The following UGT1A8 variants were observed in gnomAD, a reference collection of about 807,000 sequenced individuals.
UGT1A8 encodes UDP glucuronosyltransferase family 1 member A8, also known as UDP-glucuronosyltransferase 1A8.
UGT1A8 carries 39 observed loss-of-function variants against 45.3 expected under a neutral mutation model. The ratio of observed to expected loss-of-function variants is 0.86; its 90% CI spans 0.67 to 1.12. UGT1A8 has a LOEUF of 1.12. Ranked by LOEUF, UGT1A8 falls within the 50% of genes most tolerant of loss-of-function variation. The probability of loss-of-function intolerance (pLI) is 0.00; values close to 1 mark genes in which losing one functional copy is unlikely to be tolerated. For synonymous variants in UGT1A8, 275 were observed against 249.2 expected (o/e 1.10, Z -0.97); for missense variants, 719 against 664.9 (o/e 1.08, Z -0.90).
chr2:233,671,967 T>A (rs779535598), intron 1 of UGT1A8: 1 of 1,613,876 alleles, frequency 6.2e-7, no homozygotes, highest in Non-Finnish European at 8.5e-7. Flanking sequence ...GCCCCCTTCC[T>A]CTATGTGTGT....
intron 1 of UGT1A8, among the ~76,000 whole-genome samples, chr2:233,757,990 G>A (rs1696768799): frequency 6.6e-6 from 1 of 152,054 alleles, no homozygotes; most frequent in Non-Finnish European, 1.5e-5. Flanking sequence ...ACCATCCCCT[G>A]TAATTGCCTG....
At chr2:233,618,819 AAGT>A (rs1301771728) in intron 1 of UGT1A8, among the ~76,000 whole-genome samples, 1 of 152,158 alleles carries the variant, frequency 6.6e-6, no homozygotes, top group Non-Finnish European at 1.5e-5. Context: ...ATGTTTAGAA[AAGT>A]ACCAAAAACC....
intron 1 of UGT1A8, among the ~76,000 whole-genome samples, chr2:233,727,296 G>A (rs1359558344): frequency 1.3e-5 from 2 of 152,036 alleles, no homozygotes; most frequent in Non-Finnish European, 2.9e-5. Context: ...TGATGACTTG[G>A]GCAGCTCCTT....
intron 1 of UGT1A8, among the ~76,000 whole-genome samples, chr2:233,694,083 G>C (rs971459828): frequency 6.6e-6 from 1 of 152,210 alleles, no homozygotes. Flanking sequence ...CTTGGCAAGA[G>C]TAGGAGATTT....
intron 1 of UGT1A8, among the ~76,000 whole-genome samples, chr2:233,750,128 G>A (rs1357269719): frequency 6.6e-6 from 1 of 151,932 alleles, no homozygotes; most frequent in Non-Finnish European, 1.5e-5. Flanking sequence ...ATGTGGGAAA[G>A]TTTGGAACTT....
At chr2:233,733,336 C>T (rs185739129) in intron 1 of UGT1A8, among the ~76,000 whole-genome samples, 4 of 152,264 alleles carry the variant, frequency 2.6e-5, no homozygotes, top group Admixed American at 2.6e-4. Context: ...CCAGAACTTC[C>T]AACAGTATGT....
At chr2:233,707,169 T>A (rs1186198629) in intron 1 of UGT1A8, among the ~76,000 whole-genome samples, 1 of 152,126 alleles carries the variant, frequency 6.6e-6, no homozygotes, top group East Asian at 1.9e-4. Flanking sequence ...CACCCAGACA[T>A]CCATCCTGGG....
At chr2:233,675,913 C>A (rs1187695391) in intron 1 of UGT1A8, among the ~76,000 whole-genome samples, 1 of 152,086 alleles carries the variant, frequency 6.6e-6, no homozygotes, top group Non-Finnish European at 1.5e-5. Flanking sequence ...AATAAAAATT[C>A]TTTAATATTA....
intron 1 of UGT1A8, among the ~76,000 whole-genome samples, chr2:233,736,629 C>T (rs558858921): frequency 6.6e-6 from 1 of 152,208 alleles, no homozygotes; most frequent in Admixed American, 6.5e-5. Flanking sequence ...CTTTTCTGCT[C>T]TAGTTTCCCC....
At chr2:233,754,129 A>C (rs1290911546) in intron 1 of UGT1A8, among the ~76,000 whole-genome samples, 1 of 152,214 alleles carries the variant, frequency 6.6e-6, no homozygotes, top group African/African-American at 2.4e-5. Context: ...TTTATGTGCA[A>C]TTAAAAGCCA....
chr2:233,733,214 A>G (rs920142608), intron 1 of UGT1A8, among the ~76,000 whole-genome samples: 2 of 152,180 alleles, frequency 1.3e-5, no homozygotes, highest in African/African-American at 4.8e-5. Flanking sequence ...TTGGGCTGAG[A>G]CAATGGGGTT....
At chr2:233,646,194 C>T (rs1477671083) in intron 1 of UGT1A8, among the ~76,000 whole-genome samples, 8 of 152,188 alleles carry the variant, frequency 5.3e-5, no homozygotes, top group Admixed American at 2.6e-4. Context: ...ATGCAAGACA[C>T]CAAGTCCCTA....
At chr2:233,760,104 A>T in intron 1 of UGT1A8, 1 of 1,171,464 alleles carries the variant, frequency 8.5e-7, no homozygotes, top group Non-Finnish European at 1.2e-6. Flanking sequence ...GTTGCCTATT[A>T]AGAAACCTAA....
chr2:233,763,862 C>T (rs755965727), intron 1 of UGT1A8, among the ~76,000 whole-genome samples: 8 of 152,072 alleles, frequency 5.3e-5, no homozygotes, highest in South Asian at 2.1e-4. Context: ...CACAGACAAT[C>T]GCAATGCTGG....
At chr2:233,664,682 A>G (rs2074038193) in intron 1 of UGT1A8, among the ~76,000 whole-genome samples, 1 of 152,194 alleles carries the variant, frequency 6.6e-6, no homozygotes. Flanking sequence ...CAAGGACAAC[A>G]CAAAGCCATG....
chr2:233,755,411 C>T (rs1182147250), intron 1 of UGT1A8: 6 of 330,824 alleles, frequency 1.8e-5, no homozygotes, highest in African/African-American at 1.1e-4. Flanking sequence ...TTGGCCGAGG[C>T]CTGTGAGCGC....
At chr2:233,674,190 G>A (rs368031414) in intron 1 of UGT1A8, among the ~76,000 whole-genome samples, 1 of 152,166 alleles carries the variant, frequency 6.6e-6, no homozygotes, top group South Asian at 2.1e-4. Context: ...ATTGGCAGAT[G>A]TTTGGTGAAA....
chr2:233,772,756 T>A lies in UGT1A8; in HGVS notation c.*197T>A. On this transcript the variant is annotated 3_prime_UTR_variant, in exon 5 of 5. Transcript: ENST00000373450. The stretch of plus-strand genomic sequence containing the variant: ...TAGTCAGTAAAGATATTTGAATATG[T>A]ATCGTGCCCCCTCTGGTGTCTTTGA... The A allele has an allele frequency of 1.4e-6, 2 of 1,401,856 alleles. No homozygotes were observed. Among genetic ancestry groups the A allele is most frequent in the Non-Finnish European group, 1.9e-6 (2 of 1,069,170 alleles). 86.8% of individuals were successfully genotyped at this position (1,401,856 alleles called of 1,614,324 possible). A position where few individuals can be genotyped will look rare whatever the true frequency, so the allele number is the denominator to read the frequency against.
In UGT1A8 at chr2:233,635,756, G is replaced by C. The variant is rs527761051; in HGVS notation, c.855+17194G>C. On this transcript the variant is annotated intron_variant, in intron 1 of 4. Transcript: ENST00000373450. The stretch of plus-strand genomic sequence containing the variant: ...TTTTCCTGAAAGAGGTCACTGGAGT[G>C]ATGGTGTGTTTAGAATATAGAAGTA... Among the ~76,000 whole-genome samples the C allele has an allele frequency of 2.6e-4, 39 of 151,086 alleles. 3 individuals are homozygous for C. The South Asian group carries it at 7.8e-3, about 30-fold the overall frequency.
Sources: allele counts gnomAD v4.1 joint callset (sites outside exome capture counted in the v4.1 genomes callset), GRCh38; gene constraint gnomAD v4.1.1; transcripts MANE v1.5; gene names NCBI Gene and HGNC (gene_info 2026-07-23, HGNC 2026-07-21).